Variants in RNFT2 observed in about 807,000 individuals in gnomAD.
The protein encoded by RNFT2 is ring finger protein, transmembrane 2.
RNFT2 carries 36 observed loss-of-function variants against 53.0 expected under a neutral mutation model. That is an observed-to-expected ratio of 0.68 (90% CI 0.52 to 0.90). The LOEUF (loss-of-function observed/expected upper bound fraction) is 0.90. RNFT2 is among the 40% of genes least tolerant of loss of function. The probability of loss-of-function intolerance (pLI) is 0.00; values close to 1 mark genes in which losing one functional copy is unlikely to be tolerated. For synonymous variants in RNFT2, 260 were observed against 253.2 expected (o/e 1.03, Z -0.26); for missense variants, 514 against 585.6 (o/e 0.88, Z 1.26).
intron 6 of RNFT2, among the ~76,000 whole-genome samples, chr12:116,769,300 G>C (rs898781380): frequency 6.6e-6 from 1 of 152,186 alleles, no homozygotes; most frequent in Admixed American, 6.5e-5. Context: ...AGAGGTTGCA[G>C]TGAGCCGTGA....
Position 116,755,342 on chromosome 12 carries a change from AT to A in RNFT2, c.627+1291del, listed in dbSNP as rs1038015150. The A allele has an allele frequency of 7.8e-4, 503 of 647,210 alleles. 2 individuals are homozygous for A. The highest frequency in any genetic ancestry group is 1.2e-3 in the Admixed American group (51 of 42,072). The allele number at this position is 647,210 out of a possible 1,614,324, so 40.1% of individuals were successfully genotyped here. A position where few individuals can be genotyped will look rare whatever the true frequency, so the allele number is the denominator to read the frequency against. On this transcript the variant is annotated intron_variant, in intron 5 of 10. Transcript: ENST00000257575. ...TTCTGTTCCATTGGTCTATGTCCCT[AT>A]TTTTTTTTATAGCCCAGAGGTCTTT... is the stretch of plus-strand genomic sequence containing the variant.
intron 7 of RNFT2, among the ~76,000 whole-genome samples, chr12:116,823,690 T>A (rs559985366): frequency 6.6e-5 from 10 of 152,258 alleles, no homozygotes; most frequent in African/African-American, 1.9e-4. Flanking sequence ...CTAAAAAAAA[T>A]AATAATAATA....
At position 116,771,486 on chromosome 12, in the gene RNFT2, A is replaced by ATAT. The variant is rs1198593135; in HGVS notation, c.728+4572_728+4573insTAT. On this transcript the variant is annotated intron_variant, in intron 6 of 10. Transcript: ENST00000257575. ...AAAAAAAAAAAAAAAAAAAAAAAAA[A>ATAT]AAAAAAAAATACGTATATGAGCAAT... 8.6e-3 allele frequency among the ~76,000 whole-genome samples: 866 copies of ATAT among 101,008 alleles called. 14 individuals are homozygous for ATAT. The highest frequency in any genetic ancestry group is 0.012 in the South Asian group (38 of 3,042). The allele number at this position is 101,008 out of a possible 152,430, so 66.3% of individuals were successfully genotyped here.
At chr12:116,821,301 C>T (rs887934958) in intron 7 of RNFT2, among the ~76,000 whole-genome samples, 19 of 152,116 alleles carry the variant, frequency 1.2e-4, no homozygotes, top group African/African-American at 4.6e-4. Context: ...CTTGTTTCTC[C>T]CACCCCTCCT....
At chr12:116,813,664 C>A (rs531612664) in intron 7 of RNFT2, among the ~76,000 whole-genome samples, 1 of 152,322 alleles carries the variant, frequency 6.6e-6, no homozygotes, top group South Asian at 2.1e-4. Flanking sequence ...TCATTTTATT[C>A]CCAGCACAGT....
chr12:116,741,811 G>C lies in RNFT2; in HGVS notation c.83+717G>C, dbSNP rs1210552518. 5.9e-5 allele frequency among the ~76,000 whole-genome samples: 9 copies of C among 152,198 alleles called. No individual in the cohort carries two copies. The East Asian group carries it at 1.7e-3, about 30-fold the overall frequency. On this transcript the variant is annotated intron_variant, in intron 3 of 10. Transcript: ENST00000257575. ...CTACAGGCATGTGCCACCATACCTAGCTAATTTTTAAAATTTTTTGGTAGA... is the reference window on the plus strand; with the variant it reads ...CTACAGGCATGTGCCACCATACCTACCTAATTTTTAAAATTTTTTGGTAGA...
At chr12:116,845,444 G>A (rs971702670) in intron 10 of RNFT2, among the ~76,000 whole-genome samples, 4 of 151,964 alleles carry the variant, frequency 2.6e-5, no homozygotes, top group African/African-American at 9.7e-5. Flanking sequence ...TGGAATCGGG[G>A]CAACATCATA....
chr12:116,768,770 G>A (rs569113292), intron 6 of RNFT2, among the ~76,000 whole-genome samples: 16 of 138,954 alleles, frequency 1.2e-4, no homozygotes, highest in East Asian at 6.3e-4. Context: ...TGCCCTTGTC[G>A]CCCAGGCTGG....
intron 7 of RNFT2, among the ~76,000 whole-genome samples, chr12:116,806,670 G>A (rs1875096793): frequency 6.6e-6 from 1 of 151,424 alleles, no homozygotes; most frequent in Admixed American, 6.6e-5. Context: ...CCTTGAGCCT[G>A]AGAGTTCGAG....
At chr12:116,826,074 A>C (rs1876316740) in intron 7 of RNFT2, among the ~76,000 whole-genome samples, 1 of 151,052 alleles carries the variant, frequency 6.6e-6, no homozygotes, top group African/African-American at 2.4e-5. Context: ...CTTCCTCCCC[A>C]CCCCCACAAG....
At chr12:116,830,352 A>G (rs1275349900) in intron 7 of RNFT2, among the ~76,000 whole-genome samples, 1 of 152,154 alleles carries the variant, frequency 6.6e-6, no homozygotes, top group Non-Finnish European at 1.5e-5. Context: ...CAGTGGCACA[A>G]TCATAGCTCA....
chr12:116,750,723 C>T (rs1872151680), intron 4 of RNFT2, among the ~76,000 whole-genome samples: 1 of 148,210 alleles, frequency 6.7e-6, no homozygotes, highest in Non-Finnish European at 1.5e-5. Flanking sequence ...ATTTTATAGT[C>T]TTCATGGGAT....
chr12:116,841,052 C>T (rs1877224111), intron 10 of RNFT2, among the ~76,000 whole-genome samples: 1 of 152,152 alleles, frequency 6.6e-6, no homozygotes, highest in Non-Finnish European at 1.5e-5. Context: ...ACTACAAAGT[C>T]AGATGCTTTT....
chr12:116,838,703 G>A (rs1235875976), intron 10 of RNFT2, among the ~76,000 whole-genome samples: 6 of 152,190 alleles, frequency 3.9e-5, no homozygotes, highest in Non-Finnish European at 7.3e-5. Context: ...TGGTAGCAGG[G>A]ACAATTTGAA....
chr12:116,752,565 G>T (rs1162367130), intron 4 of RNFT2, among the ~76,000 whole-genome samples: 1 of 152,152 alleles, frequency 6.6e-6, no homozygotes, highest in Non-Finnish European at 1.5e-5. Flanking sequence ...AAAATAGCTG[G>T]AGTACACATA....
intron 4 of RNFT2, 73 bp from the exon 5 acceptor site, chr12:116,753,911 C>G (rs1872372232): frequency 1.7e-6 from 2 of 1,161,228 alleles, no homozygotes; most frequent in Admixed American, 1.7e-5. Flanking sequence ...GCCTTTTCCC[C>G]CATGTTGCTC....
At chr12:116,738,720 T>C (rs1159553400) in intron 1 of RNFT2, 1 of 152,206 alleles carries the variant, frequency 6.6e-6, no homozygotes, top group Non-Finnish European at 1.5e-5. Flanking sequence ...CAAAAATTTA[T>C]TCCAGAATTA....
rs1264819243 is a variant in RNFT2, at chr12:116,852,709, G to T, written c.*3261G>T. 13 of 1,613,798 alleles carry T rather than the reference G, an allele frequency of 8.1e-6. No individual in the cohort carries two copies. Among genetic ancestry groups the T allele is most frequent in the Non-Finnish European group, 1.1e-5 (13 of 1,179,710 alleles). On this transcript the variant is annotated 3_prime_UTR_variant, in exon 11 of 11. Transcript: ENST00000257575. ...AGAAGATTGATGAAAGTGCAGGTGT[G>T]TAAGGAAATAGAACAGTCTGCTGGG...
intron 10 of RNFT2, among the ~76,000 whole-genome samples, chr12:116,841,964 G>A (rs79113899): frequency 0.026 from 242 of 9,200 alleles, 26 homozygotes; most frequent in Middle Eastern, 0.071. Context: ...TATATAGAGA[G>A]AGAGAGAGAG....
Sources: gnomAD v4.1 joint callset for allele counts (sites outside exome capture counted in the v4.1 genomes callset) on GRCh38, gnomAD v4.1.1 for gene constraint, MANE v1.5 for transcripts, NCBI Gene and HGNC (gene_info 2026-07-23, HGNC 2026-07-21) for gene names.